The following ANKS1A variants were observed in gnomAD, a reference collection of about 807,000 sequenced individuals.
ANKS1A encodes the protein ankyrin repeat and SAM domain-containing protein 1A.
A neutral mutation model predicts 120.3 loss-of-function variants in ANKS1A; 55 were observed. That is an observed-to-expected ratio of 0.46 (90% confidence interval 0.37 to 0.57). The LOEUF (loss-of-function observed/expected upper bound fraction) is 0.57, where lower values mean the gene tolerates loss of function less well. Among genes scored for constraint, ANKS1A ranks in the 20% least tolerant of loss-of-function variants. ANKS1A has a pLI of 0.00. For synonymous variants in ANKS1A, 590 were observed against 604.7 expected, an observed-to-expected ratio of 0.98 and a Z score of 0.36; for missense variants, 1,123 against 1,480.3, an observed-to-expected ratio of 0.76 and a Z score of 3.96.
At chr6:34,942,018 G>A (rs901216587) in intron 1 of ANKS1A, among the ~76,000 whole-genome samples, 1 of 152,174 alleles carries the variant, frequency 6.6e-6, no homozygotes, top group Non-Finnish European at 1.5e-5. Context: ...TATTAGATTC[G>A]AAGTAACATT....
intron 1 of ANKS1A, among the ~76,000 whole-genome samples, chr6:34,924,998 G>A (rs1476726523): frequency 6.6e-6 from 1 of 152,064 alleles, no homozygotes; most frequent in Non-Finnish European, 1.5e-5. Flanking sequence ...CCTCTTTATT[G>A]TTGAAGACTA....
At chr6:35,038,351 G>A (rs1775286198) in intron 11 of ANKS1A, 1 of 456,312 alleles carries the variant, frequency 2.2e-6, no homozygotes, top group Admixed American at 2.3e-5. Flanking sequence ...CCTCAATACA[G>A]TTTCGACCGG....
Position 34,914,913 on chromosome 6 carries a change from G to C in ANKS1A, c.197+25314G>C, listed in dbSNP as rs751800855. 4.9e-4 allele frequency among the ~76,000 whole-genome samples: 75 copies of C among 152,198 alleles called. 2 individuals carry two copies. The highest frequency in any genetic ancestry group is 1.6e-4 in the Non-Finnish European group (11 of 68,038). On this transcript the variant is annotated intron_variant, in intron 1 of 23. Coordinates refer to ENST00000360359, the MANE Select transcript of ANKS1A (RefSeq NM_015245.3). ...TAAGAGCTTCTGGGAGCAGCAGTCAGAGGGCAGAGCTGACCTGCTGTGCTT... is the reference window on the plus strand; with the variant it reads ...TAAGAGCTTCTGGGAGCAGCAGTCACAGGGCAGAGCTGACCTGCTGTGCTT...
intron 10 of ANKS1A, among the ~76,000 whole-genome samples, chr6:34,997,377 G>T (rs1023347617): frequency 6.6e-5 from 10 of 151,766 alleles, no homozygotes; most frequent in Admixed American, 3.9e-4. Flanking sequence ...TTGATTTTTA[G>T]TAGAGATGGG....
intron 2 of ANKS1A, among the ~76,000 whole-genome samples, chr6:34,967,821 C>T (rs1305599942): frequency 1.3e-5 from 2 of 152,100 alleles, no homozygotes; most frequent in Middle Eastern, 3.4e-3. Flanking sequence ...AACATCCTTC[C>T]CCACCCTACC....
chr6:34,904,938 G>A (rs1289738442), intron 1 of ANKS1A, among the ~76,000 whole-genome samples: 1 of 152,132 alleles, frequency 6.6e-6, no homozygotes, highest in Non-Finnish European at 1.5e-5. Flanking sequence ...CGCCTCCTGA[G>A]TAGCTGGGAT....
intron 1 of ANKS1A, among the ~76,000 whole-genome samples, chr6:34,900,527 G>A (rs1326064427): frequency 2.0e-5 from 3 of 152,036 alleles, no homozygotes; most frequent in Non-Finnish European, 2.9e-5. Context: ...TGGAGCTCAA[G>A]CGATCCTCCT....
intron 10 of ANKS1A, among the ~76,000 whole-genome samples, chr6:34,996,106 A>G (rs1185349435): frequency 6.6e-6 from 1 of 152,196 alleles, no homozygotes; most frequent in Non-Finnish European, 1.5e-5. Context: ...AGCACTTAAT[A>G]TTGTCAGGTT....
chr6:34,954,105 G>C (rs1770224355), intron 1 of ANKS1A, among the ~76,000 whole-genome samples: 1 of 152,214 alleles, frequency 6.6e-6, no homozygotes, highest in Non-Finnish European at 1.5e-5. Flanking sequence ...GAGAACTCTT[G>C]TAGTGTTGTC....
chr6:35,089,857 G>A lies in ANKS1A; in HGVS notation c.*1248G>A, dbSNP rs188856610. 3.7e-6 allele frequency: 4 copies of A among 1,075,120 alleles called. No homozygotes were observed. The Admixed American group carries it at 1.4e-4, about 38-fold the overall frequency. The allele number at this position is 1,075,120 out of a possible 1,614,324, so 66.6% of individuals were successfully genotyped here. The stretch of plus-strand genomic sequence containing the variant: ...GCTGTGTGCCCAGTTCCTCCTGTGG[G>A]CACTTTAGCAGGCTCCGAGCTTTCC... On this transcript the variant is annotated 3_prime_UTR_variant, in exon 24 of 24. Coordinates refer to ENST00000360359, the MANE Select transcript of ANKS1A (RefSeq NM_015245.3).
rs555988191 is a variant in ANKS1A, at chr6:35,063,214, C to T, written c.2184+2961C>T. ...AAACGTGGCTCACACATCTGCCAGC[C>T]AGCCAGCCCACGAGCCCACCACACT... On this transcript the variant is annotated intron_variant, in intron 13 of 23. Coordinates refer to ENST00000360359, the MANE Select transcript of ANKS1A (RefSeq NM_015245.3). Among the ~76,000 whole-genome samples the T allele has an allele frequency of 5.9e-5, 9 of 152,336 alleles. No individual in the cohort carries two copies. The East Asian group carries it at 1.2e-3, about 20-fold the overall frequency.
intron 11 of ANKS1A, among the ~76,000 whole-genome samples, chr6:35,022,583 A>T (rs1223071500): frequency 6.6e-6 from 1 of 152,242 alleles, no homozygotes; most frequent in African/African-American, 2.4e-5. Context: ...AGGAGATCTG[A>T]ATCCAAACTT....
At position 35,085,077 on chromosome 6, in the gene ANKS1A, A is replaced by G. The variant is rs1159484819; in HGVS notation, c.3133-689A>G. On this transcript the variant is annotated intron_variant, in intron 21 of 23. Transcript: ENST00000360359. This position sits in a 1 kb window ranked among gnomAD's most constrained non-coding sequence, Gnocchi z 4.7. ...ACACTCCTGGGACCTCATCCACCCC[A>G]GTCCTCTGTTTGCTCTGGGCCAGTG... Among the ~76,000 whole-genome samples, 7 of 152,116 alleles carry G rather than the reference A, an allele frequency of 4.6e-5. No individual in the cohort carries two copies. The highest frequency in any genetic ancestry group is 4.4e-5 in the Non-Finnish European group (3 of 68,018).
At position 35,039,166 on chromosome 6, in the gene ANKS1A, C is replaced by T. The variant is rs997040374; in HGVS notation, c.2011-14933C>T. On this transcript the variant is annotated intron_variant, in intron 11 of 23. Transcript: ENST00000360359. ...ACCACAATCAACATGCAGAACTATTCTGTCACCACAAAGATCTCCCTCATA... is the reference window on the plus strand; with the variant it reads ...ACCACAATCAACATGCAGAACTATTTTGTCACCACAAAGATCTCCCTCATA... 3.9e-4 allele frequency among the ~76,000 whole-genome samples: 54 copies of T among 138,698 alleles called. 1 individual carries two copies. The highest frequency in any genetic ancestry group is 1.4e-3 in the African/African-American group (52 of 37,064). The allele number at this position is 138,698 out of a possible 152,430, so 91.0% of individuals were successfully genotyped here.
At chr6:34,921,768 G>A (rs9368840) in intron 1 of ANKS1A, among the ~76,000 whole-genome samples, 12,166 of 152,218 alleles carry the variant, frequency 0.08, 672 homozygotes, top group East Asian at 0.33. Context: ...CACAATCGTA[G>A]CTTACTGCAG....
intron 13 of ANKS1A, among the ~76,000 whole-genome samples, chr6:35,068,453 A>G (rs1465606309): frequency 1.3e-5 from 2 of 152,184 alleles, no homozygotes; most frequent in Admixed American, 1.3e-4. Context: ...CTCCTCTCCC[A>G]GAATAGGCAG....
intron 1 of ANKS1A, among the ~76,000 whole-genome samples, chr6:34,893,093 A>G (rs1306687265): frequency 6.6e-6 from 1 of 152,142 alleles, no homozygotes; most frequent in Non-Finnish European, 1.5e-5. Context: ...GACATTATTC[A>G]AGTTAACCAC....
intron 1 of ANKS1A, 100 bp from the exon 2 acceptor site, chr6:34,967,139 C>A: frequency 1.7e-6 from 2 of 1,169,938 alleles, no homozygotes; most frequent in South Asian, 1.4e-5. Context: ...TGGTTGAACA[C>A]CACACAGAAA....
At chr6:35,004,965 G>A (rs923219228) in intron 10 of ANKS1A, among the ~76,000 whole-genome samples, 6 of 152,226 alleles carry the variant, frequency 3.9e-5, no homozygotes, top group South Asian at 2.1e-4. Context: ...TTTTGTATTT[G>A]CCTTGTCTAT....
Sources: gnomAD v4.1 joint callset for allele counts (sites outside exome capture counted in the v4.1 genomes callset) on GRCh38, gnomAD v4.1.1 for gene constraint, Gnocchi (gnomAD v3.1) non-coding constraint, MANE v1.5 for transcripts, NCBI Gene and HGNC (gene_info 2026-07-23, HGNC 2026-07-21) for gene names.